The following NOX3 variants were observed in gnomAD, a reference collection of about 807,000 sequenced individuals.
NOX3 encodes the protein NADPH oxidase catalytic subunit-like 3.
NOX3 carries 74 observed loss-of-function variants against 76.7 expected under a neutral mutation model. That is an observed-to-expected ratio of 0.96 (90% CI 0.80 to 1.17). The LOEUF is 1.17. Ranked by LOEUF, NOX3 falls within the 50% of genes most tolerant of loss-of-function variation. NOX3 has a pLI of 0.00. For synonymous variants in NOX3, 263 were observed against 261.1 expected (o/e 1.01, Z -0.07); for missense variants, 695 against 703.3 (o/e 0.99, Z 0.13).
intron 4 of NOX3, among the ~76,000 whole-genome samples, chr6:155,449,378 G>C (rs1371146298): frequency 1.3e-5 from 2 of 152,110 alleles, no homozygotes; most frequent in Non-Finnish European, 2.9e-5. Context: ...TTTTCAATTG[G>C]AAGGGTCTTC....
intron 11 of NOX3, among the ~76,000 whole-genome samples, chr6:155,410,269 C>T (rs1776523412): frequency 6.6e-6 from 1 of 151,184 alleles, no homozygotes; most frequent in Non-Finnish European, 1.5e-5. Context: ...GAAGCAGAGT[C>T]AAATTACAGT....
chr6:155,430,793 A>G (rs1776821295), intron 8 of NOX3, 50 bp downstream of exon 8: 1 of 1,335,786 alleles, frequency 7.5e-7, no homozygotes, highest in Non-Finnish European at 1.1e-6. Context: ...CTAATAAAAA[A>G]TTTTCATCTA....
chr6:155,430,378 G>A lies in NOX3; in HGVS notation c.891+465C>T, dbSNP rs558605148. 7.9e-5 allele frequency among the ~76,000 whole-genome samples: 12 copies of A among 152,044 alleles called. 1 individual carries two copies. In the South Asian group the frequency reaches 2.5e-3, roughly 32 times the overall value. On this transcript the variant is annotated intron_variant, in intron 8 of 13. Coordinates refer to ENST00000159060, the MANE Select transcript of NOX3 (RefSeq NM_015718.3). ...CATCTCCATTTTTCTTCCCCACAGTGGTCCCTCTTGCTCTGAACCTTATGG... is the reference window on the plus strand; with the variant it reads ...CATCTCCATTTTTCTTCCCCACAGTAGTCCCTCTTGCTCTGAACCTTATGG...
intron 9 of NOX3, 80 bp downstream of exon 9, chr6:155,428,714 A>C: frequency 7.8e-7 from 1 of 1,286,364 alleles, no homozygotes; most frequent in Non-Finnish European, 1.0e-6. Flanking sequence ...ATATTGCTGA[A>C]TCAGGTAGCA....
intron 3 of NOX3, among the ~76,000 whole-genome samples, 198 bp downstream of exon 3, chr6:155,454,613 A>G (rs1777187540): frequency 6.6e-6 from 1 of 152,220 alleles, no homozygotes; most frequent in Non-Finnish European, 1.5e-5. Context: ...TAGGAAATCA[A>G]TGGCAACAGC....
intron 7 of NOX3, among the ~76,000 whole-genome samples, chr6:155,432,335 CT>C (rs1414494858): frequency 1.4e-5 from 2 of 146,958 alleles, no homozygotes; most frequent in Admixed American, 7.1e-5. Flanking sequence ...GAACTCAAGC[CT>C]TTTCATATGT....
intron 13 of NOX3, among the ~76,000 whole-genome samples, chr6:155,395,875 T>A (rs578242587): frequency 5.3e-5 from 8 of 151,640 alleles, no homozygotes; most frequent in African/African-American, 1.9e-4. Flanking sequence ...CAGACCAAAA[T>A]GTGGTAGAAT....
chr6:155,405,598 C>T (rs1221331883), intron 12 of NOX3, among the ~76,000 whole-genome samples: 1 of 152,180 alleles, frequency 6.6e-6, no homozygotes, highest in Non-Finnish European at 1.5e-5. Flanking sequence ...ACAAACTGAA[C>T]TCCTGACACC....
At position 155,444,312 on chromosome 6, in the gene NOX3, C is replaced by T. The variant is rs911948418; in HGVS notation, c.341-894G>A. Among the ~76,000 whole-genome samples the T allele has an allele frequency of 1.1e-4, 17 of 152,206 alleles. No individual in the cohort carries two copies. The East Asian group carries it at 1.5e-3, about 14-fold the overall frequency. On this transcript the variant is annotated intron_variant, in intron 4 of 13. Transcript: ENST00000159060. ...AGCATGATGAAATCTCATGCCATCC[C>T]GCTCTGTCCCACCTGGGATGTGAAT...
intron 5 of NOX3, among the ~76,000 whole-genome samples, chr6:155,440,805 T>C (rs920037239): frequency 6.6e-6 from 1 of 152,214 alleles, no homozygotes. Flanking sequence ...TCAAAATAAC[T>C]ATGTGGATCA....
intron 4 of NOX3, among the ~76,000 whole-genome samples, chr6:155,447,380 T>G (rs1321481326): frequency 6.6e-6 from 1 of 152,242 alleles, no homozygotes; most frequent in Non-Finnish European, 1.5e-5. Context: ...AGTTGTTGAT[T>G]GCAATTTGTT....
chr6:155,398,196 T>C (rs1449579159), intron 12 of NOX3, among the ~76,000 whole-genome samples: 1 of 152,194 alleles, frequency 6.6e-6, no homozygotes, highest in East Asian at 1.9e-4. Context: ...TAAAATCATC[T>C]AGGCAGATTG....
Position 155,455,749 on chromosome 6 carries a change from TTAC to T in NOX3, c.48+1_48+3del. The T allele has an allele frequency of 6.2e-7, 1 of 1,609,228 alleles. No homozygotes were observed. Among genetic ancestry groups the T allele is most frequent in the Non-Finnish European group, 8.5e-7 (1 of 1,175,668 alleles). On this transcript the variant is annotated splice_donor_variant and splice_donor_region_variant and intron_variant, in intron 1 of 13. Coordinates refer to ENST00000159060, the MANE Select transcript of NOX3 (RefSeq NM_015718.3). LOFTEE classifies it high-confidence loss of function. ...TAAAGTTGAATAACAAAAATGATACTTACTACTAATATGGTGGAGAGACCCTCA... is the reference window on the plus strand; with the variant it reads ...TAAAGTTGAATAACAAAAATGATACTTACTAATATGGTGGAGAGACCCTCA...
At chr6:155,400,475 A>C (rs1779207888) in intron 12 of NOX3, among the ~76,000 whole-genome samples, 2 of 152,234 alleles carry the variant, frequency 1.3e-5, no homozygotes, top group African/African-American at 2.4e-5. Flanking sequence ...GCTTAGAAAG[A>C]AGATGAGAGC....
chr6:155,397,169 T>A (rs1779150761), intron 12 of NOX3, among the ~76,000 whole-genome samples: 1 of 151,276 alleles, frequency 6.6e-6, no homozygotes, highest in Non-Finnish European at 1.5e-5. Flanking sequence ...CCTAAATTAA[T>A]CAGGGAGGTG....
At chr6:155,451,028 G>C (rs1777132638) in intron 4 of NOX3, among the ~76,000 whole-genome samples, 2 of 151,906 alleles carry the variant, frequency 1.3e-5, no homozygotes, top group South Asian at 4.2e-4. Flanking sequence ...GCCCAGGCTG[G>C]AGTACAATGG....
chr6:155,416,048 G>A (rs1440218231), intron 10 of NOX3, among the ~76,000 whole-genome samples: 1 of 152,214 alleles, frequency 6.6e-6, no homozygotes, highest in Admixed American at 6.5e-5. Context: ...TGTGCTCCAT[G>A]AAGGGGAAGC....
At chr6:155,396,232 A>G (rs757423836) in intron 13 of NOX3, among the ~76,000 whole-genome samples, 71 of 152,216 alleles carry the variant, frequency 4.7e-4, no homozygotes, top group Non-Finnish European at 2.5e-4. Context: ...GATTTTTGTG[A>G]AAGATAACCT....
chr6:155,438,556 G>T (rs1450089463), intron 6 of NOX3, among the ~76,000 whole-genome samples: 2 of 152,206 alleles, frequency 1.3e-5, no homozygotes, highest in South Asian at 2.1e-4. Context: ...CAGTGGCAGC[G>T]GCAGAACTGC....
Sources: gnomAD v4.1 joint callset for allele counts (sites outside exome capture counted in the v4.1 genomes callset) on GRCh38, gnomAD v4.1.1 for gene constraint, MANE v1.5 for transcripts, NCBI Gene and HGNC (gene_info 2026-07-23, HGNC 2026-07-21) for gene names.